The following GPD2 variants were observed in gnomAD, a reference collection of about 807,000 sequenced individuals.
The protein encoded by GPD2 is glycerol-3-phosphate dehydrogenase, mitochondrial.
A neutral mutation model predicts 82.4 loss-of-function variants in GPD2; 54 were observed. The observed-to-expected ratio is 0.66, with a 90% CI of 0.53 to 0.82. GPD2 has a LOEUF of 0.82. Ranked by LOEUF, GPD2 falls within the 40% of genes least tolerant of loss-of-function variation. The probability of loss-of-function intolerance (pLI) is 0.00; values close to 1 mark genes in which losing one functional copy is unlikely to be tolerated. For synonymous variants in GPD2, 288 were observed against 306.1 expected (o/e 0.94, Z 0.62); for missense variants, 748 against 896.2 (o/e 0.83, Z 2.11).
At position 156,550,740 on chromosome 2, in the gene GPD2, A is replaced by G; in HGVS notation, c.965A>G (p.Tyr322Cys). 1.9e-6 allele frequency: 3 copies of G among 1,613,248 alleles called. No homozygotes were observed. The highest frequency in any genetic ancestry group is 2.2e-5 in the East Asian group (1 of 44,842). The change falls in exon 8 of 17, where the codon TAT (tyrosine) becomes TGT (cysteine). Residue 322 changes from tyrosine (Y) to cysteine (C), a missense_variant. Transcript: ENST00000438166. ...GGTGTCCATATTGTGATGCCTGGTT[A>G]TTACAGGTAATTGTCTTCCAATGTG... is the stretch of plus-strand genomic sequence containing the variant. ...SAGVHIVMPG[Y>C]YSPESMGLLD...
chr2:156,563,811 G>A (rs1250485853), intron 9 of GPD2, among the ~76,000 whole-genome samples: 1 of 152,082 alleles, frequency 6.6e-6, no homozygotes, highest in East Asian at 1.9e-4. Flanking sequence ...GCTTTTTACT[G>A]TAGAGCTGCT....
chr2:156,566,374 C>G lies in GPD2; in HGVS notation c.1166-2451C>G, dbSNP rs148522761. ...ATTCTGTAACCATTCAATAGTAACT[C>G]TTATTCCCCCTCTCCCAACCCCTTG... On this transcript the variant is annotated intron_variant, in intron 9 of 16. Transcript: ENST00000438166. Among the ~76,000 whole-genome samples, 5 of 152,188 alleles carry G rather than the reference C, an allele frequency of 3.3e-5. 1 individual carries two copies. Among genetic ancestry groups the G allele is most frequent in the Non-Finnish European group, 7.4e-5 (5 of 67,952 alleles).
At chr2:156,412,435 T>G in the GPD2 span, among the ~76,000 whole-genome samples, 1 of 23,828 alleles carries the variant, frequency 4.2e-5, no homozygotes, top group South Asian at 3.8e-3. Flanking sequence ...AGACTTCGTC[T>G]GTAAAAAAAA....
At chr2:156,520,322 C>T (rs912167052) in intron 6 of GPD2, among the ~76,000 whole-genome samples, 2 of 145,994 alleles carry the variant, frequency 1.4e-5, no homozygotes, top group African/African-American at 5.1e-5. Context: ...GGGGAACTAC[C>T]CTCTGCTACC....
At chr2:156,561,988 T>C (rs964891773) in intron 9 of GPD2, among the ~76,000 whole-genome samples, 3 of 152,232 alleles carry the variant, frequency 2.0e-5, no homozygotes, top group African/African-American at 7.2e-5. Context: ...TGTTCTTTTC[T>C]GAAATGGGTA....
intron 1 of GPD2, among the ~76,000 whole-genome samples, chr2:156,453,829 A>G (rs1682698121): frequency 6.6e-6 from 1 of 152,190 alleles, no homozygotes; most frequent in Non-Finnish European, 1.5e-5. Flanking sequence ...GTGAGCTGAG[A>G]TCACGCCACT....
intron 2 of GPD2, among the ~76,000 whole-genome samples, chr2:156,483,711 T>G (rs923856876): frequency 6.6e-6 from 1 of 152,230 alleles, no homozygotes; most frequent in Non-Finnish European, 1.5e-5. Flanking sequence ...AATTTAATCT[T>G]GTGGCATCTG....
Position 156,476,172 on chromosome 2 carries a change from G to A in GPD2, c.67G>A (p.Gly23Arg). ...AGGAGGTGCTCTTGCAACTGTTTTA[G>A]GACTTTCTCAGTTTGCTCATTACAG... ...VGGGALATVL[G>R]LSQFAHYRRK... Residue 23 changes from glycine (G) to arginine (R), a missense_variant, in exon 2 of 17, where the codon GGA becomes AGA. Coordinates refer to ENST00000438166, the MANE Select transcript of GPD2 (RefSeq NM_000408.5). 6.2e-7 allele frequency: 1 copy of A among 1,609,022 alleles called. No individual in the cohort carries two copies. The highest frequency in any genetic ancestry group is 8.5e-7 in the Non-Finnish European group (1 of 1,175,422).
At chr2:156,425,839 A>G in the GPD2 span, among the ~76,000 whole-genome samples, 7 of 152,096 alleles carry the variant, frequency 4.6e-5, no homozygotes, top group Non-Finnish European at 1.0e-4. Flanking sequence ...ATCACATACT[A>G]CAGTCCGGGT....
At chr2:156,418,868 T>C in the GPD2 span, among the ~76,000 whole-genome samples, 3 of 152,062 alleles carry the variant, frequency 2.0e-5, no homozygotes, top group Non-Finnish European at 4.4e-5. Flanking sequence ...GGGTTCATTC[T>C]TGGCCTTACA....
chr2:156,469,495 A>G (rs1465010867), intron 1 of GPD2, among the ~76,000 whole-genome samples: 1 of 152,054 alleles, frequency 6.6e-6, no homozygotes, highest in Non-Finnish European at 1.5e-5. Context: ...GCTGAATACT[A>G]CTTCATTGTG....
the GPD2 span, among the ~76,000 whole-genome samples, chr2:156,406,023 A>T: frequency 6.6e-4 from 100 of 152,112 alleles, no homozygotes; most frequent in Non-Finnish European, 1.1e-3. Flanking sequence ...TTCATATAAT[A>T]CAAAGTCACC....
intron 6 of GPD2, among the ~76,000 whole-genome samples, chr2:156,529,495 A>G (rs1423439278): frequency 6.7e-6 from 1 of 149,970 alleles, no homozygotes; most frequent in Non-Finnish European, 1.5e-5. Flanking sequence ...TTGGTGTTTT[A>G]GACATGAAGT....
At chr2:156,500,169 A>G (rs1684537065) in intron 3 of GPD2, among the ~76,000 whole-genome samples, 1 of 152,150 alleles carries the variant, frequency 6.6e-6, no homozygotes, top group Admixed American at 6.6e-5. Context: ...TGGCATATTA[A>G]TTGTGGTCTT....
intron 1 of GPD2, among the ~76,000 whole-genome samples, chr2:156,452,337 C>A (rs879563138): frequency 1.3e-5 from 2 of 152,236 alleles, no homozygotes; most frequent in Non-Finnish European, 2.9e-5. Flanking sequence ...GGATCACTCG[C>A]GGTTAGGAGC....
the GPD2 span, among the ~76,000 whole-genome samples, chr2:156,404,754 T>C: frequency 6.9e-6 from 1 of 145,534 alleles, no homozygotes; most frequent in African/African-American, 2.5e-5. Flanking sequence ...TTCAGGAGGC[T>C]GAGGCAGGAG....
At chr2:156,542,924 T>A (rs976041791) in intron 6 of GPD2, among the ~76,000 whole-genome samples, 2 of 152,176 alleles carry the variant, frequency 1.3e-5, no homozygotes, top group African/African-American at 4.8e-5. Context: ...TAGAATGAAG[T>A]TCCATAGGAC....
intron 6 of GPD2, among the ~76,000 whole-genome samples, chr2:156,517,310 G>A (rs1265905946): frequency 2.0e-5 from 3 of 152,136 alleles, no homozygotes; most frequent in Non-Finnish European, 4.4e-5. Flanking sequence ...CATGACATAA[G>A]TATGATCTGT....
chr2:156,407,749 T>C, the GPD2 span, among the ~76,000 whole-genome samples: 1 of 152,170 alleles, frequency 6.6e-6, no homozygotes, highest in Non-Finnish European at 1.5e-5. Flanking sequence ...TTTGTTCATG[T>C]ATGAGAACAC....
Sources: allele counts gnomAD v4.1 joint callset (sites outside exome capture counted in the v4.1 genomes callset), GRCh38; gene constraint gnomAD v4.1.1; transcripts MANE v1.5; gene names NCBI Gene and HGNC (gene_info 2026-07-23, HGNC 2026-07-21).